DOCK7: variants seen among roughly 807,000 people sequenced by gnomAD.
DOCK7 encodes dedicator of cytokinesis protein 7.
A neutral mutation model predicts 271.0 loss-of-function variants in DOCK7; 138 were observed. The observed-to-expected ratio is 0.51, with a 90% CI of 0.44 to 0.59. DOCK7 has a LOEUF of 0.59. Ranked by LOEUF, DOCK7 falls within the 20% of genes least tolerant of loss-of-function variation. DOCK7 has a pLI of 0.00. For missense variants in DOCK7, 2,066 were observed against 2,592.4 expected, an observed-to-expected ratio of 0.80 and a Z score of 4.41; for synonymous variants, 823 against 876.1, an observed-to-expected ratio of 0.94 and a Z score of 1.07.
At chr1:62,464,681 C>T (rs907150172) in intron 48 of DOCK7, among the ~76,000 whole-genome samples, 44 of 151,862 alleles carry the variant, frequency 2.9e-4, no homozygotes, top group African/African-American at 8.2e-4. Context: ...GAATCCATCC[C>T]CCCTAAACAA....
At chr1:62,476,539 T>C (rs533374076) in intron 44 of DOCK7, among the ~76,000 whole-genome samples, 1 of 152,206 alleles carries the variant, frequency 6.6e-6, no homozygotes, top group African/African-American at 2.4e-5. Flanking sequence ...TTATTGTGGC[T>C]TGATTTCTTA....
chr1:62,650,989 T>C (rs1464655783), intron 4 of DOCK7, among the ~76,000 whole-genome samples: 2 of 152,096 alleles, frequency 1.3e-5, no homozygotes, highest in Non-Finnish European at 2.9e-5. Context: ...TAAAGACACA[T>C]GCACACGTAT....
At chr1:62,605,043 T>C (rs1190953405) in intron 14 of DOCK7, 1 of 465,026 alleles carries the variant, frequency 2.2e-6, no homozygotes, top group Non-Finnish European at 3.8e-6. Flanking sequence ...TTAAATTTTG[T>C]GATGTGGGAA....
Position 62,545,929 on chromosome 1 carries a change from G to A in DOCK7, c.2767-890C>T, listed in dbSNP as rs1026972498. 2.6e-5 allele frequency among the ~76,000 whole-genome samples: 4 copies of A among 152,188 alleles called. No homozygotes were observed. In the East Asian group the frequency reaches 5.8e-4, roughly 22 times the overall value. ...TCCTGGGCTCTATCTCTATAAATTC[G>A]ATTCAGTAATTTGGACTGGGGACTT... On this transcript the variant is annotated intron_variant, in intron 22 of 49. Coordinates refer to ENST00000635253, the MANE Select transcript of DOCK7 (RefSeq NM_001367561.1).
intron 48 of DOCK7, among the ~76,000 whole-genome samples, chr1:62,470,037 C>G (rs1443814295): frequency 6.6e-6 from 1 of 152,042 alleles, no homozygotes; most frequent in Non-Finnish European, 1.5e-5. Flanking sequence ...GAACTAATTC[C>G]TTAAAGAACT....
Position 62,631,257 on chromosome 1 carries a change from A to G in DOCK7, c.1265T>C (p.Val422Ala), listed in dbSNP as rs199708701. The G allele has an allele frequency of 2.9e-4, 472 of 1,605,234 alleles. No individual in the cohort carries two copies. The highest frequency in any genetic ancestry group is 3.7e-4 in the Non-Finnish European group (440 of 1,177,400). ...ACTCTTACCTCCAGTACTGATTTCT[A>G]CTTCTGTAGAATCTCTTTCCAAACT... ...AGSLERDSTE[V>A]EISTGERKGS... The change falls in exon 11 of 50, where the codon GTA becomes GCA. Residue 422 changes from valine to alanine, a missense_variant. Val to Ala is a moderately conservative substitution (Grantham distance 64). This residue lies in a region of DOCK7 where 1,414 missense variants were observed against 1,670.4 expected (regional missense o/e 0.85). Transcript: ENST00000635253.
chr1:62,584,504 AACAC>A, intron 15 of DOCK7: 1 of 1,087,222 alleles, frequency 9.2e-7, no homozygotes, highest in Non-Finnish European at 1.1e-6. Context: ...TATGACTAAT[AACAC>A]ACAAGTAAAA....
chr1:62,578,928 G>A lies in DOCK7; in HGVS notation c.1910C>T (p.Pro637Leu). ...DFHEEIKVKLPATLTDHHHLL... is the reference protein window; with the variant it reads ...DFHEEIKVKLLATLTDHHHLL... ...GTGATGATGGTCAGTTAAAGTAGCA[G>A]GAAGCTTAACCTTGATTTCTTCATG... The change falls in exon 17 of 50, where the codon CCT (proline) becomes CTT (leucine). Residue 637 changes from proline (P) to leucine (L), a missense_variant. By Grantham distance (98) the Pro-to-Leu change is moderately conservative. Coordinates refer to ENST00000635253, the MANE Select transcript of DOCK7 (RefSeq NM_001367561.1). 6.2e-7 allele frequency: 1 copy of A among 1,601,286 alleles called. No individual in the cohort carries two copies. Among genetic ancestry groups the A allele is most frequent in the Non-Finnish European group, 8.5e-7 (1 of 1,175,568 alleles).
rs887440185 is a variant in DOCK7, at chr1:62,454,886, A to T, written c.*528T>A. On this transcript the variant is annotated 3_prime_UTR_variant, in exon 50 of 50. Coordinates refer to ENST00000635253, the MANE Select transcript of DOCK7 (RefSeq NM_001367561.1). ...AAAATAACTTTGAAACAGTTACCAA[A>T]CTCATTAATTTGGGGCTATCTATGA... is the stretch of plus-strand genomic sequence containing the variant. 2.7e-5 allele frequency: 7 copies of T among 260,758 alleles called. No individual in the cohort carries two copies. The Admixed American group carries it at 3.2e-4, about 12-fold the overall frequency. 16.2% of individuals were successfully genotyped at this position (260,758 alleles called of 1,614,324 possible).
chr1:62,522,229 T>C (rs889693117), intron 31 of DOCK7, among the ~76,000 whole-genome samples: 4 of 151,990 alleles, frequency 2.6e-5, no homozygotes, highest in African/African-American at 9.7e-5. Context: ...AGCCTAAACT[T>C]GATTCTAAAA....
chr1:62,478,651 G>C (rs1207160554), intron 43 of DOCK7: 1 of 152,054 alleles, frequency 6.6e-6, no homozygotes, highest in African/African-American at 2.4e-5. Flanking sequence ...GGCCTCAGGT[G>C]ATCTACCCAC....
At chr1:62,596,683 T>C (rs1323288153) in intron 14 of DOCK7, among the ~76,000 whole-genome samples, 1 of 152,108 alleles carries the variant, frequency 6.6e-6, no homozygotes, top group Non-Finnish European at 1.5e-5. Context: ...TTGTTAAATG[T>C]ATATTATCAA....
chr1:62,538,273 C>T (rs1392323893), intron 27 of DOCK7, among the ~76,000 whole-genome samples: 1 of 152,094 alleles, frequency 6.6e-6, no homozygotes, highest in Non-Finnish European at 1.5e-5. Flanking sequence ...ATTTGACTAA[C>T]CTAAAAGCCA....
intron 1 of DOCK7, 79 bp downstream of exon 1, chr1:62,688,148 C>T: frequency 8.1e-7 from 1 of 1,232,776 alleles, no homozygotes; most frequent in Non-Finnish European, 1.0e-6. Flanking sequence ...CACCCACCCG[C>T]CTCCTAGGCC....
At chr1:62,548,934 T>C (rs1342107864) in intron 22 of DOCK7, among the ~76,000 whole-genome samples, 1 of 152,180 alleles carries the variant, frequency 6.6e-6, no homozygotes, top group Non-Finnish European at 1.5e-5. Flanking sequence ...AGCAGTTAAG[T>C]TTAGAACTCC....
intron 1 of DOCK7, among the ~76,000 whole-genome samples, chr1:62,683,529 C>T (rs192099739): frequency 6.6e-6 from 1 of 152,108 alleles, no homozygotes; most frequent in African/African-American, 2.4e-5. Context: ...AAAGGATACC[C>T]GGTTAACAAA....
intron 7 of DOCK7, among the ~76,000 whole-genome samples, chr1:62,643,146 CAAAT>C (rs915654589): frequency 2.6e-5 from 4 of 152,114 alleles, no homozygotes; most frequent in Non-Finnish European, 4.4e-5. Context: ...AGCCAACTGC[CAAAT>C]ATATAAAAGA....
Position 62,662,448 on chromosome 1 carries a change from T to C in DOCK7, c.144+577A>G, listed in dbSNP as rs564381320. 1.4e-4 allele frequency among the ~76,000 whole-genome samples: 22 copies of C among 152,248 alleles called. No homozygotes were observed. In the South Asian group the frequency reaches 4.6e-3, roughly 32 times the overall value. ...TAGAATAGATTCCTAAATTTTCACA[T>C]AATGAATCACCTTCAGTCTTTAAAA... is the stretch of plus-strand genomic sequence containing the variant. On this transcript the variant is annotated intron_variant, in intron 2 of 49. Transcript: ENST00000635253.
chr1:62,569,713 C>A (rs1463992914), intron 18 of DOCK7, among the ~76,000 whole-genome samples: 4 of 110,358 alleles, frequency 3.6e-5, no homozygotes, highest in African/African-American at 7.2e-5. Flanking sequence ...TCTCCCCCCT[C>A]CCCCCCCCCT....
Sources: gnomAD v4.1 joint callset for allele counts (sites outside exome capture counted in the v4.1 genomes callset) on GRCh38, gnomAD v4.1.1 for gene constraint, gnomAD v4.1.1 regional missense constraint, MANE v1.5 for transcripts, NCBI Gene and HGNC (gene_info 2026-07-23, HGNC 2026-07-21) for gene names.